Variants in OPA1 observed in about 807,000 individuals in gnomAD.
OPA1 encodes OPA1 mitochondrial dynamin like GTPase, also known as dynamin-like GTPase OPA1, mitochondrial.
OPA1 carries 59 observed loss-of-function variants against 152.9 expected under a neutral mutation model. The observed-to-expected ratio is 0.39, with a 90% CI of 0.31 to 0.48. The LOEUF (loss-of-function observed/expected upper bound fraction) is 0.48. OPA1 is among the 20% of genes least tolerant of loss of function. The probability of loss-of-function intolerance (pLI) is 0.96; values close to 1 mark genes in which losing one functional copy is unlikely to be tolerated. For missense variants in OPA1, 1,008 were observed against 1,216.8 expected, an observed-to-expected ratio of 0.83 and a Z score of 2.55; for synonymous variants, 400 against 389.9, an observed-to-expected ratio of 1.03 and a Z score of -0.31.
At position 193,694,735 on chromosome 3, in the gene OPA1, A is replaced by ATGTATGT. The variant is rs1722103870; in HGVS notation, c.*137_*143dup. The ATGTATGT allele has an allele frequency of 6.6e-6, 1 of 152,236 alleles. No individual in the cohort carries two copies. The allele number at this position is 152,236 out of a possible 1,614,324, so 9.4% of individuals were successfully genotyped here. On this transcript the variant is annotated 3_prime_UTR_variant, in exon 31 of 31. Coordinates refer to ENST00000361510, the MANE Select transcript of OPA1 (RefSeq NM_130837.3). ...TAAAGTCATGGGATAAAAATAATCG[A>ATGTATGT]TGTATGTTACGGGCGCTTTAACCAT...
At chr3:193,673,600 A>G (rs185582231) in intron 29 of OPA1, among the ~76,000 whole-genome samples, 48 of 152,344 alleles carry the variant, frequency 3.2e-4, no homozygotes, top group Non-Finnish European at 6.2e-4. Context: ...TATAACAGAT[A>G]TATTAATAAA....
At chr3:193,658,614 T>C (rs1182209378) in intron 23 of OPA1, among the ~76,000 whole-genome samples, 2 of 152,246 alleles carry the variant, frequency 1.3e-5, no homozygotes, top group East Asian at 3.8e-4. Flanking sequence ...TTTTGTATAA[T>C]GTAAATGTGT....
At chr3:193,621,996 A>G (rs956032717) in intron 6 of OPA1, among the ~76,000 whole-genome samples, 3 of 152,116 alleles carry the variant, frequency 2.0e-5, no homozygotes, top group African/African-American at 7.2e-5. Context: ...GCAAAATGAG[A>G]CATTTTATTT....
At chr3:193,694,288 A>T (rs564740789) in intron 30 of OPA1, among the ~76,000 whole-genome samples, 1 of 152,350 alleles carries the variant, frequency 6.6e-6, no homozygotes, top group African/African-American at 2.4e-5. Flanking sequence ...CCTAAGGAAT[A>T]CTTTCTCAAG....
In OPA1 at chr3:193,617,801, G is replaced by T; in HGVS notation, c.574G>T (p.Glu192Ter). 3 of 1,612,888 alleles carry T rather than the reference G, an allele frequency of 1.9e-6. No individual in the cohort carries two copies. The highest frequency in any genetic ancestry group is 2.5e-6 in the Non-Finnish European group (3 of 1,179,146). ...FFTSGHKLVS[E>*]VIGASDLLLL... Reference sequence around the variant, plus strand: ...TTTCACAGGTCACAAATTGGTTAGTGAAGTCATAGGAGCTTCTGACCTACT... The same window carrying T: ...TTTCACAGGTCACAAATTGGTTAGTTAAGTCATAGGAGCTTCTGACCTACT... The change falls in exon 5 of 31, where the codon GAA (glutamate) becomes TAA (stop). Residue 192 changes from glutamate to a stop codon, truncating the protein, a stop_gained. Coordinates refer to ENST00000361510, the MANE Select transcript of OPA1 (RefSeq NM_130837.3). LOFTEE classifies it high-confidence loss of function.
At chr3:193,593,452 C>T (rs1201915295) in intron 1 of OPA1, 43 bp downstream of exon 1, 2 of 1,497,090 alleles carry the variant, frequency 1.3e-6, no homozygotes, top group South Asian at 1.3e-5. Flanking sequence ...TCTGGGGCCT[C>T]TTGAGAGTGG....
chr3:193,660,277 C>T (rs1577310692), intron 25 of OPA1, among the ~76,000 whole-genome samples: 1 of 152,132 alleles, frequency 6.6e-6, no homozygotes, highest in Admixed American at 6.6e-5. Context: ...GCTTCTTTTC[C>T]TATCTAGCAT....
At chr3:193,677,767 C>T (rs1046217058) in intron 29 of OPA1, among the ~76,000 whole-genome samples, 3 of 152,172 alleles carry the variant, frequency 2.0e-5, no homozygotes, top group African/African-American at 7.2e-5. Flanking sequence ...ATGTTGTAGT[C>T]TTAATTATCC....
At position 193,596,335 on chromosome 3, in the gene OPA1, C is replaced by CCTTTCCTTTCCTTTT. The variant is rs1224361507; in HGVS notation, c.32+2930_32+2931insCCTTTCCTTTTCTTT. On this transcript the variant is annotated intron_variant, in intron 1 of 30. Transcript: ENST00000361510. ...CCTTTCCTTTCCTTTCCTTTCCTTT[C>CCTTTCCTTTCCTTTT]CTTTTCTTTTCTTTTCTTTTCTTTT... Among the ~76,000 whole-genome samples the CCTTTCCTTTCCTTTT allele has an allele frequency of 2.5e-4, 32 of 126,644 alleles. 1 individual carries two copies. In the Middle Eastern group the frequency reaches 0.013, roughly 52 times the overall value. 83.1% of individuals were successfully genotyped at this position (126,644 alleles called of 152,430 possible).
At chr3:193,625,676 T>G (rs1227612725) in intron 6 of OPA1, among the ~76,000 whole-genome samples, 1 of 151,716 alleles carries the variant, frequency 6.6e-6, no homozygotes, top group South Asian at 2.1e-4. Flanking sequence ...AACTTAAGAA[T>G]AATAATTTAA....
At chr3:193,643,469 T>A in intron 14 of OPA1, 25 bp downstream of exon 14, 2 of 1,607,226 alleles carry the variant, frequency 1.2e-6, no homozygotes, top group Non-Finnish European at 8.5e-7. Flanking sequence ...AACATGTATT[T>A]TATTTTATTC....
chr3:193,598,730 G>C (rs886094705), intron 1 of OPA1, among the ~76,000 whole-genome samples: 2 of 152,156 alleles, frequency 1.3e-5, no homozygotes, highest in African/African-American at 4.8e-5. Context: ...ATTGATTATT[G>C]ATGGCGACTC....
At chr3:193,687,093 A>G (rs1319837459) in intron 29 of OPA1, among the ~76,000 whole-genome samples, 2 of 152,214 alleles carry the variant, frequency 1.3e-5, no homozygotes, top group Non-Finnish European at 2.9e-5. Flanking sequence ...AGATTAGTCT[A>G]TATTTGAGAC....
At chr3:193,628,936 G>A (rs372071144) in intron 7 of OPA1, among the ~76,000 whole-genome samples, 5 of 151,500 alleles carry the variant, frequency 3.3e-5, no homozygotes, top group South Asian at 2.1e-4. Flanking sequence ...TTTTTGAGAC[G>A]GAGTTTCGCT....
intron 7 of OPA1, among the ~76,000 whole-genome samples, chr3:193,627,077 A>G (rs1731265837): frequency 6.6e-6 from 1 of 152,204 alleles, no homozygotes; most frequent in African/African-American, 2.4e-5. Flanking sequence ...GAAGTTATAT[A>G]CAAATGCTAG....
At chr3:193,670,478 C>T (rs1717674573) in intron 29 of OPA1, among the ~76,000 whole-genome samples, 1 of 151,786 alleles carries the variant, frequency 6.6e-6, no homozygotes, top group African/African-American at 2.4e-5. Context: ...GTGGTTCTCC[C>T]ACCTCTGCCT....
intron 29 of OPA1, among the ~76,000 whole-genome samples, chr3:193,673,147 T>A (rs1372462510): frequency 6.6e-6 from 1 of 152,180 alleles, no homozygotes; most frequent in Non-Finnish European, 1.5e-5. Flanking sequence ...GATTTGGGCC[T>A]GGGTCTTTTC....
In OPA1 at chr3:193,643,526, A is replaced by G; in HGVS notation, c.1378-2A>G. On this transcript the variant is annotated splice_acceptor_variant, in intron 14 of 30. Transcript: ENST00000361510. LOFTEE classifies it high-confidence loss of function. The stretch of plus-strand genomic sequence containing the variant: ...ATGACATTTAAAACCTTTTTCTTTA[A>G]GACTGTGACATCAGGCATGGCTCCT... 1 of 1,613,590 alleles carries G rather than the reference A, an allele frequency of 6.2e-7. No homozygotes were observed. The highest frequency in any genetic ancestry group is 8.5e-7 in the Non-Finnish European group (1 of 1,179,636).
intron 25 of OPA1, among the ~76,000 whole-genome samples, chr3:193,660,716 A>G (rs1040050213): frequency 1.3e-5 from 2 of 150,818 alleles, no homozygotes; most frequent in African/African-American, 2.4e-5. Context: ...TTTTTTTGGT[A>G]ATGACTTTTG....
Sources: gnomAD v4.1 joint callset for allele counts (sites outside exome capture counted in the v4.1 genomes callset) on GRCh38, gnomAD v4.1.1 for gene constraint, MANE v1.5 for transcripts, NCBI Gene and HGNC (gene_info 2026-07-23, HGNC 2026-07-21) for gene names.